CTNNA2: variants seen among roughly 807,000 people sequenced by gnomAD.
CTNNA2 encodes catenin alpha-2.
Under a neutral mutation model 101.0 loss-of-function variants are expected in CTNNA2, and 42 were observed. The ratio of observed to expected loss-of-function variants is 0.42; its 90% CI spans 0.32 to 0.54. The LOEUF is 0.54. Among genes scored for constraint, CTNNA2 ranks in the 20% least tolerant of loss-of-function variants. The probability of loss-of-function intolerance (pLI) is 0.14; values close to 1 mark genes in which losing one functional copy is unlikely to be tolerated. For synonymous variants in CTNNA2, 450 were observed against 456.4 expected, an observed-to-expected ratio of 0.99 and a Z score of 0.18; for missense variants, 871 against 1,223.1, an observed-to-expected ratio of 0.71 and a Z score of 4.29.
chr2:79,695,672 C>A (rs1558846906), intron 2 of CTNNA2, among the ~76,000 whole-genome samples: 1 of 151,908 alleles, frequency 6.6e-6, no homozygotes, highest in Non-Finnish European at 1.5e-5. Context: ...TGGCCAGGTC[C>A]ACTCCATGGT....
At chr2:79,573,298 C>T (rs373520005) in intron 1 of CTNNA2, among the ~76,000 whole-genome samples, 8 of 152,156 alleles carry the variant, frequency 5.3e-5, no homozygotes, top group Non-Finnish European at 7.3e-5. Context: ...CAAGTGTCAT[C>T]GCCAATGCTG....
Position 80,277,742 on chromosome 2 carries a change from C to A in CTNNA2, c.1057-115469C>A, listed in dbSNP as rs943115718. On this transcript the variant is annotated intron_variant, in intron 7 of 18. Transcript: ENST00000402739. ...CTTGAATATTTGGTTATAGGGAATT[C>A]TTTTTCCCTTGAGTAGACCTGTTCT... Among the ~76,000 whole-genome samples, 37 of 152,086 alleles carry A rather than the reference C, an allele frequency of 2.4e-4. No individual in the cohort carries two copies. The Middle Eastern group carries it at 0.017, about 70-fold the overall frequency.
intron 2 of CTNNA2, among the ~76,000 whole-genome samples, chr2:79,209,896 C>T (rs891726112): frequency 2.6e-5 from 4 of 152,018 alleles, no homozygotes; most frequent in African/African-American, 7.2e-5. Flanking sequence ...AAATGCCCTA[C>T]CTAGCTGCAG....
chr2:79,569,764 CTTT>C (rs1292897774), intron 1 of CTNNA2, among the ~76,000 whole-genome samples: 1 of 152,070 alleles, frequency 6.6e-6, no homozygotes, highest in African/African-American at 2.4e-5. Flanking sequence ...TCAGGCTTTA[CTTT>C]TTTAAGTAAG....
Position 80,515,168 on chromosome 2 carries a change from C to T in CTNNA2, c.1291-29814C>T, listed in dbSNP as rs546852533. On this transcript the variant is annotated intron_variant, in intron 9 of 18. Transcript: ENST00000402739. Reference sequence around the variant, plus strand: ...TTGCCCATCTTTTTTTTTTTTTTCCCCCTTGGAAACTGCTCATTTTCAGGA... The same window carrying T: ...TTGCCCATCTTTTTTTTTTTTTTCCTCCTTGGAAACTGCTCATTTTCAGGA... 8.7e-3 allele frequency among the ~76,000 whole-genome samples: 1,284 copies of T among 148,316 alleles called. 15 individuals are homozygous for T. The highest frequency in any genetic ancestry group is 0.029 in the African/African-American group (1,194 of 40,618).
At chr2:79,855,948 A>G (rs973335647) in intron 3 of CTNNA2, among the ~76,000 whole-genome samples, 1 of 152,216 alleles carries the variant, frequency 6.6e-6, no homozygotes, top group Admixed American at 6.5e-5. Context: ...CACCACACAG[A>G]TATTTGCCAA....
intron 9 of CTNNA2, among the ~76,000 whole-genome samples, chr2:80,515,408 C>G (rs975694199): frequency 6.6e-6 from 1 of 152,120 alleles, no homozygotes; most frequent in Non-Finnish European, 1.5e-5. Context: ...CTCTTTTATT[C>G]CCTTGGATAG....
chr2:79,981,934 C>T (rs1490927316), intron 7 of CTNNA2, among the ~76,000 whole-genome samples: 1 of 151,746 alleles, frequency 6.6e-6, no homozygotes, highest in East Asian at 1.9e-4. Context: ...TTTCAGTTTC[C>T]TCATTAGGAT....
At chr2:80,581,844 C>G in intron 14 of CTNNA2, 25 bp downstream of exon 14, 1 of 1,384,096 alleles carries the variant, frequency 7.2e-7, no homozygotes, top group Non-Finnish European at 1.0e-6. Flanking sequence ...AAGACTTTGG[C>G]TTGGCACACA....
intron 3 of CTNNA2, among the ~76,000 whole-genome samples, chr2:79,830,422 G>C (rs927562715): frequency 6.6e-6 from 1 of 152,066 alleles, no homozygotes; most frequent in Non-Finnish European, 1.5e-5. Context: ...TAGGTGCTAG[G>C]GAATCATAGG....
At chr2:80,361,477 G>A (rs1031283430) in intron 7 of CTNNA2, among the ~76,000 whole-genome samples, 1 of 152,094 alleles carries the variant, frequency 6.6e-6, no homozygotes, top group Non-Finnish European at 1.5e-5. Flanking sequence ...TATGGTTAAA[G>A]TAAATGTTCA....
In CTNNA2 at chr2:80,623,500, CAGAG is replaced by C. The variant is rs1156234906; in HGVS notation, c.2574+4275_2574+4278del. On this transcript the variant is annotated intron_variant, in intron 18 of 18. Coordinates refer to ENST00000402739, the MANE Select transcript of CTNNA2 (RefSeq NM_001282597.3). ...CCAGGATAACTGAAGCTGAAAATGT[CAGAG>C]AGGGCTGGAAAGATGGAGAAAAGTA... 5.3e-5 allele frequency among the ~76,000 whole-genome samples: 8 copies of C among 151,858 alleles called. No homozygotes were observed. In the South Asian group the frequency reaches 1.2e-3, roughly 24 times the overall value.
At chr2:80,232,341 G>GTTGTTTTTTTTT (rs1709276642) in intron 7 of CTNNA2, among the ~76,000 whole-genome samples, 3 of 82,060 alleles carry the variant, frequency 3.7e-5, no homozygotes, top group African/African-American at 9.9e-5. Flanking sequence ...TTGTTTGTTT[G>GTTGTTTTTTTTT]TTTGTTTTTT....
At chr2:79,509,694 TTTCAAAACCCCCAAAATG>T (rs1671494289), upstream of CTNNA2, among the ~76,000 whole-genome samples, 1 of 152,172 alleles carries the variant, frequency 6.6e-6, no homozygotes, top group Non-Finnish European at 1.5e-5. Flanking sequence ...GTTATACTTC[TTTCAAAACCCCCAAAATG>T]TACAAAACCA....
At chr2:80,597,355 C>T (rs1401621725) in intron 15 of CTNNA2, among the ~76,000 whole-genome samples, 2 of 151,984 alleles carry the variant, frequency 1.3e-5, no homozygotes, top group African/African-American at 4.8e-5. Flanking sequence ...ACCAAACAAA[C>T]AAACAAACAA....
At chr2:80,174,371 G>A (rs4852559) in intron 7 of CTNNA2, among the ~76,000 whole-genome samples, 57,796 of 151,880 alleles carry the variant, frequency 0.38, 12,954 homozygotes, top group Non-Finnish European at 0.51. Context: ...TATGATACCC[G>A]CAGCACAGCA....
At chr2:80,523,023 A>T (rs1689704981) in intron 9 of CTNNA2, among the ~76,000 whole-genome samples, 1 of 152,146 alleles carries the variant, frequency 6.6e-6, no homozygotes, top group Non-Finnish European at 1.5e-5. Flanking sequence ...TCAGAAAATT[A>T]CATAAAGGTA....
At position 79,393,909 on chromosome 2, in the gene CTNNA2, T is replaced by C. The variant is rs1048021231; in HGVS notation, c.-135+19896T>C. On this transcript the variant is annotated intron_variant, in intron 4 of 21. Transcript: ENST00000466387. ...CTAGACTCTCAGGCGCCACCTTCCC[T>C]GCTCAGGGTCATTTAGCTCCTCCTG... Among the ~76,000 whole-genome samples, 69 of 152,240 alleles carry C rather than the reference T, an allele frequency of 4.5e-4. 1 individual carries two copies. The highest frequency in any genetic ancestry group is 1.5e-3 in the African/African-American group (64 of 41,570).
intron 1 of CTNNA2, among the ~76,000 whole-genome samples, chr2:79,579,024 CCTTCCTTCCTCCTTT>C (rs1311904577): frequency 6.6e-6 from 1 of 151,808 alleles, no homozygotes; most frequent in Non-Finnish European, 1.5e-5. Context: ...TTCATTCCTC[CCTTCCTTCCTCCTTT>C]CTTCCTTCCT....
Sources: allele counts gnomAD v4.1 joint callset (sites outside exome capture counted in the v4.1 genomes callset), GRCh38; gene constraint gnomAD v4.1.1; transcripts MANE v1.5; gene names NCBI Gene and HGNC (gene_info 2026-07-23, HGNC 2026-07-21).